FOXP1: variants seen among roughly 807,000 people sequenced by gnomAD.
FOXP1 encodes forkhead box protein P1.
In FOXP1, 15 loss-of-function variants were observed where a neutral mutation model predicts 98.2. The observed-to-expected ratio is 0.15, with a 90% CI of 0.10 to 0.24. The LOEUF is 0.24. Among genes scored for constraint, FOXP1 ranks in the 10% least tolerant of loss-of-function variants. The pLI is 1.00. For synonymous variants in FOXP1, 371 were observed against 314.5 expected (o/e 1.18, Z -1.90); for missense variants, 633 against 848.5 (o/e 0.75, Z 3.15).
chr3:71,191,069 C>T (rs1229323934), intron 6 of FOXP1, among the ~76,000 whole-genome samples: 1 of 152,206 alleles, frequency 6.6e-6, no homozygotes, highest in Non-Finnish European at 1.5e-5. Flanking sequence ...ATCAAGTAAT[C>T]TATGCACTAC....
intron 9 of FOXP1, 128 bp from the exon 10 acceptor site, chr3:71,047,223 G>T: frequency 2.8e-6 from 3 of 1,080,058 alleles, no homozygotes; most frequent in Non-Finnish European, 2.8e-6. Context: ...GGAGGGCTCC[G>T]TGTCAAGGTT....
intron 5 of FOXP1, among the ~76,000 whole-genome samples, chr3:71,269,180 C>T (rs1409556784): frequency 1.3e-5 from 2 of 150,994 alleles, no homozygotes; most frequent in African/African-American, 2.4e-5. Flanking sequence ...CACAGGTCTG[C>T]AGCTATAAAA....
intron 14 of FOXP1, 64 bp from the exon 15 acceptor site, chr3:70,978,093 T>C: frequency 7.3e-7 from 1 of 1,371,440 alleles, no homozygotes; most frequent in Non-Finnish European, 1.0e-6. Context: ...AGGAACCACA[T>C]CTAGCAGGAG....
At chr3:71,358,624 CAAGGTCAG>C (rs1424753715) in intron 4 of FOXP1, among the ~76,000 whole-genome samples, 1 of 152,170 alleles carries the variant, frequency 6.6e-6, no homozygotes, top group Non-Finnish European at 1.5e-5. Context: ...ATGGTTTGCT[CAAGGTCAG>C]ACGGAGTGGT....
intron 2 of FOXP1, among the ~76,000 whole-genome samples, chr3:71,554,708 G>C (rs562262705): frequency 6.6e-6 from 1 of 152,288 alleles, no homozygotes; most frequent in African/African-American, 2.4e-5. Context: ...AAAAATGTTA[G>C]AATCCAACGT....
intron 7 of FOXP1, among the ~76,000 whole-genome samples, chr3:71,075,716 GTT>G (rs59622548): frequency 2.2e-4 from 32 of 146,116 alleles, no homozygotes; most frequent in African/African-American, 2.3e-4. Flanking sequence ...GGTTTTTTTT[GTT>G]TTTTTTTTTT....
intron 5 of FOXP1, among the ~76,000 whole-genome samples, chr3:71,289,087 T>C (rs1000245820): frequency 6.6e-6 from 1 of 152,090 alleles, no homozygotes; most frequent in Non-Finnish European, 1.5e-5. Flanking sequence ...CACGCTGGAG[T>C]GCAGTGGTGC....
At chr3:71,242,235 T>C (rs1040411032) in intron 5 of FOXP1, among the ~76,000 whole-genome samples, 49 of 152,226 alleles carry the variant, frequency 3.2e-4, no homozygotes, top group African/African-American at 1.2e-3. Context: ...GTTCAAATCG[T>C]GCTGAGTCAA....
At chr3:71,339,632 G>T (rs1202316762) in intron 4 of FOXP1, among the ~76,000 whole-genome samples, 1 of 152,200 alleles carries the variant, frequency 6.6e-6, no homozygotes, top group African/African-American at 2.4e-5. Context: ...CAGCGTTAAG[G>T]TTCCTACTGG....
intron 3 of FOXP1, among the ~76,000 whole-genome samples, chr3:71,429,644 A>T (rs1288591844): frequency 6.6e-6 from 1 of 152,244 alleles, no homozygotes; most frequent in African/African-American, 2.4e-5. Flanking sequence ...TTGTATAAAA[A>T]TGGAAAAACA....
chr3:71,343,964 A>T (rs917829837), intron 4 of FOXP1, among the ~76,000 whole-genome samples: 1 of 152,332 alleles, frequency 6.6e-6, no homozygotes, highest in South Asian at 2.1e-4. Context: ...TTGGTCTTAA[A>T]TAGATCTCTG....
intron 3 of FOXP1, among the ~76,000 whole-genome samples, chr3:71,474,261 A>C (rs984920170): frequency 3.9e-5 from 6 of 152,232 alleles, no homozygotes; most frequent in Non-Finnish European, 7.3e-5. Context: ...TAACTGGCCA[A>C]AAGAGGACTA....
At chr3:71,547,548 G>C (rs1408396970) in intron 2 of FOXP1, among the ~76,000 whole-genome samples, 1 of 152,126 alleles carries the variant, frequency 6.6e-6, no homozygotes, top group African/African-American at 2.4e-5. Context: ...CCCAGCAAGG[G>C]CCACTCAGAG....
chr3:71,297,348 T>C (rs977101804), intron 5 of FOXP1, among the ~76,000 whole-genome samples: 1 of 152,096 alleles, frequency 6.6e-6, no homozygotes, highest in Non-Finnish European at 1.5e-5. Context: ...CCTTGACCTA[T>C]GATATTTTTA....
chr3:71,575,791 A>G (rs1194566569), intron 2 of FOXP1, among the ~76,000 whole-genome samples: 4 of 152,242 alleles, frequency 2.6e-5, no homozygotes, highest in Admixed American at 2.6e-4. Context: ...ATGTTAAAAT[A>G]TTACCCCTAA....
intron 3 of FOXP1, among the ~76,000 whole-genome samples, chr3:71,438,168 G>T (rs957718742): frequency 6.6e-5 from 10 of 152,180 alleles, no homozygotes; most frequent in African/African-American, 2.4e-4. Flanking sequence ...TACAGGAATG[G>T]AATAACATGT....
intron 4 of FOXP1, among the ~76,000 whole-genome samples, chr3:71,317,956 T>C (rs1051302303): frequency 1.3e-5 from 2 of 151,520 alleles, no homozygotes; most frequent in African/African-American, 4.8e-5. Flanking sequence ...ACAATACCTT[T>C]AAAATGACAT....
intron 20 of FOXP1, among the ~76,000 whole-genome samples, chr3:70,962,770 C>A (rs908412901): frequency 1.3e-5 from 2 of 152,090 alleles, no homozygotes; most frequent in South Asian, 2.1e-4. Context: ...TAAGATCATA[C>A]AAGACCTTGG....
intron 3 of FOXP1, among the ~76,000 whole-genome samples, chr3:71,413,286 A>ACG (rs2082934891): frequency 7.0e-6 from 1 of 142,958 alleles, no homozygotes; most frequent in Non-Finnish European, 1.5e-5. Context: ...ACACACACAC[A>ACG]CACACCCAAA....
Sources: gnomAD v4.1 joint callset for allele counts (sites outside exome capture counted in the v4.1 genomes callset) on GRCh38, gnomAD v4.1.1 for gene constraint, MANE v1.5 for transcripts, NCBI Gene and HGNC (gene_info 2026-07-23, HGNC 2026-07-21) for gene names.